Variants in NME7 observed in about 807,000 individuals in gnomAD.
NME7 encodes NME/NM23 family member 7.
In NME7, 41 loss-of-function variants were observed where a neutral mutation model predicts 49.1. The ratio of observed to expected loss-of-function variants is 0.83; its 90% CI spans 0.65 to 1.08. NME7 has a LOEUF of 1.08. Among genes scored for constraint, NME7 ranks in the 50% least tolerant of loss-of-function variants. NME7 has a pLI of 0.00. For synonymous variants in NME7, 139 were observed against 150.6 expected, an observed-to-expected ratio of 0.92 and a Z score of 0.56; for missense variants, 423 against 463.4, an observed-to-expected ratio of 0.91 and a Z score of 0.80.
intron 6 of NME7, among the ~76,000 whole-genome samples, chr1:169,290,573 C>G (rs1039881329): frequency 1.3e-5 from 2 of 152,034 alleles, no homozygotes; most frequent in Non-Finnish European, 2.9e-5. Context: ...AGAAGAAAAC[C>G]TCAGCAATAT....
In NME7 at chr1:169,336,744, C is replaced by T. The variant is rs546385837; in HGVS notation, c.4-12244G>A. Among the ~76,000 whole-genome samples, 6 of 151,734 alleles carry T rather than the reference C, an allele frequency of 4.0e-5. No homozygotes were observed. The East Asian group carries it at 1.2e-3, about 29-fold the overall frequency. On this transcript the variant is annotated intron_variant, in intron 1 of 11. Transcript: ENST00000367811. ...GATACAGAGTGTCCATTGGTGCAAT[C>T]GCAAACCTTAAGCTAAACACTGGGT...
At chr1:169,291,646 T>TATAATA (rs36042457) in intron 6 of NME7, among the ~76,000 whole-genome samples, 1,957 of 149,456 alleles carry the variant, frequency 0.013, 42 homozygotes, top group African/African-American at 0.043. Flanking sequence ...GAACTTAAAG[T>TATAATA]ATAATAATAA....
At chr1:169,237,293 A>C (rs1647895551) in intron 8 of NME7, among the ~76,000 whole-genome samples, 1 of 152,062 alleles carries the variant, frequency 6.6e-6, no homozygotes, top group Non-Finnish European at 1.5e-5. Flanking sequence ...ACAATTTCTC[A>C]CTTTGATTCT....
intron 7 of NME7, among the ~76,000 whole-genome samples, chr1:169,280,294 G>C (rs1404832529): frequency 6.6e-6 from 1 of 152,090 alleles, no homozygotes. Context: ...CCCATTTTTT[G>C]ATGGGGTTGT....
At chr1:169,213,823 A>T (rs1470081051) in intron 10 of NME7, among the ~76,000 whole-genome samples, 2 of 141,584 alleles carry the variant, frequency 1.4e-5, no homozygotes, top group African/African-American at 4.9e-5. Flanking sequence ...AATAAAATAA[A>T]TAAATAAATA....
intron 11 of NME7, among the ~76,000 whole-genome samples, chr1:169,167,831 T>C (rs937503429): frequency 6.6e-6 from 1 of 152,190 alleles, no homozygotes; most frequent in African/African-American, 2.4e-5. Context: ...TGTGTCATGG[T>C]AGAATCTGGT....
Position 169,237,690 on chromosome 1 carries a change from G to C in NME7, c.755-3C>G, listed in dbSNP as rs1647918026. 2.5e-6 allele frequency: 4 copies of C among 1,602,226 alleles called. No individual in the cohort carries two copies. The highest frequency in any genetic ancestry group is 1.7e-4 in the Middle Eastern group (1 of 6,016). On this transcript the variant is annotated splice_polypyrimidine_tract_variant and splice_region_variant and intron_variant, in intron 7 of 11. Transcript: ENST00000367811. ...CATCAGGATCTTTCCCAACAGTCCT[G>C]AAAATGAAGGACAATGAGTGAAAAA...
intron 7 of NME7, among the ~76,000 whole-genome samples, chr1:169,260,757 C>T (rs1649133779): frequency 7.5e-6 from 1 of 133,866 alleles, no homozygotes; most frequent in Admixed American, 7.3e-5. Flanking sequence ...CACATTCTAT[C>T]TTTGCTACAA....
At chr1:169,348,612 A>G (rs936700007) in intron 1 of NME7, among the ~76,000 whole-genome samples, 4 of 152,166 alleles carry the variant, frequency 2.6e-5, no homozygotes, top group Non-Finnish European at 5.9e-5. Flanking sequence ...AAAGTGTCCA[A>G]TGATGGAAGA....
intron 10 of NME7, among the ~76,000 whole-genome samples, chr1:169,188,111 G>A (rs1192133212): frequency 1.3e-5 from 2 of 152,174 alleles, no homozygotes; most frequent in African/African-American, 4.8e-5. Context: ...TCTGCAGAGA[G>A]ATCTGCTGTT....
At chr1:169,347,127 C>T (rs1652978485) in intron 1 of NME7, among the ~76,000 whole-genome samples, 1 of 152,216 alleles carries the variant, frequency 6.6e-6, no homozygotes. Context: ...ACGAAGATCA[C>T]TTGAGCCCAG....
intron 1 of NME7, among the ~76,000 whole-genome samples, chr1:169,335,787 G>A (rs755922375): frequency 1.2e-3 from 174 of 146,502 alleles, no homozygotes; most frequent in Non-Finnish European, 2.2e-3. Flanking sequence ...TGTTTCAGAA[G>A]AGATATATAT....
At chr1:169,278,737 T>C (rs1006218693) in intron 7 of NME7, among the ~76,000 whole-genome samples, 2 of 152,256 alleles carry the variant, frequency 1.3e-5, no homozygotes, top group African/African-American at 4.8e-5. Context: ...GGAACTGCGT[T>C]CCTTTGGAGG....
chr1:169,351,162 AT>A (rs1653158234), intron 1 of NME7, among the ~76,000 whole-genome samples: 1 of 152,068 alleles, frequency 6.6e-6, no homozygotes, highest in African/African-American at 2.4e-5. Context: ...ATGTACTGAT[AT>A]TTTTATACCT....
intron 5 of NME7, among the ~76,000 whole-genome samples, chr1:169,300,068 GGATGTGCCT>G (rs1650880483): frequency 6.6e-6 from 1 of 152,104 alleles, no homozygotes; most frequent in Admixed American, 6.6e-5. Context: ...ATATAGGGAA[GGATGTGCCT>G]GATCATAGAT....
In NME7 at chr1:169,312,124, T is replaced by C. The variant is rs554141207; in HGVS notation, c.279-2044A>G. 4.5e-4 allele frequency among the ~76,000 whole-genome samples: 69 copies of C among 152,334 alleles called. 1 individual carries two copies. The South Asian group carries it at 0.014, about 31-fold the overall frequency. On this transcript the variant is annotated intron_variant, in intron 3 of 11. Transcript: ENST00000367811. Reference sequence around the variant, plus strand: ...CAACAATTTCTCAAGGTTCTGTAGGTAGGCTGTGCAATGGTTTCACCTAGG... The same window carrying C: ...CAACAATTTCTCAAGGTTCTGTAGGCAGGCTGTGCAATGGTTTCACCTAGG...
chr1:169,327,292 G>A (rs558045515), intron 1 of NME7, among the ~76,000 whole-genome samples: 3 of 152,326 alleles, frequency 2.0e-5, no homozygotes, highest in South Asian at 2.1e-4. Context: ...AGTACTTTAT[G>A]AGGAACATTT....
intron 9 of NME7, among the ~76,000 whole-genome samples, chr1:169,231,634 A>C (rs12143790): frequency 0.25 from 37,328 of 151,528 alleles, 5,644 homozygotes; most frequent in Non-Finnish European, 0.34. Context: ...ATTGCCAGAA[A>C]GTAGACCAAA....
chr1:169,148,713 T>C (rs551193205), intron 11 of NME7, among the ~76,000 whole-genome samples: 9 of 152,260 alleles, frequency 5.9e-5, no homozygotes, highest in Admixed American at 1.3e-4. Flanking sequence ...AATGAGTGAA[T>C]TGGTTTCATC....
Sources: allele counts gnomAD v4.1 joint callset (sites outside exome capture counted in the v4.1 genomes callset), GRCh38; gene constraint gnomAD v4.1.1; transcripts MANE v1.5; gene names NCBI Gene and HGNC (gene_info 2026-07-23, HGNC 2026-07-21).